ZBTB45: variants seen among roughly 807,000 people sequenced by gnomAD.
ZBTB45 encodes the protein zinc finger and BTB domain-containing protein 45.
Under a neutral mutation model 28.4 loss-of-function variants are expected in ZBTB45, and 22 were observed. That is an observed-to-expected ratio of 0.77 (90% CI 0.55 to 1.10). ZBTB45 has a LOEUF of 1.10. ZBTB45 is among the 50% of genes least tolerant of loss of function. The probability of loss-of-function intolerance (pLI) is 0.00; values close to 1 mark genes in which losing one functional copy is unlikely to be tolerated. For missense variants in ZBTB45, 656 were observed against 750.2 expected, an observed-to-expected ratio of 0.87 and a Z score of 1.47; for synonymous variants, 361 against 332.3, an observed-to-expected ratio of 1.09 and a Z score of -0.94.
intron 1 of ZBTB45, among the ~76,000 whole-genome samples, chr19:58,526,331 T>C (rs1568649757): frequency 3.9e-5 from 6 of 151,946 alleles, no homozygotes. Flanking sequence ...TGCTTCAGCC[T>C]CCTGAGTAGC....
At chr19:58,523,427 T>A (rs1372767569), upstream of ZBTB45, among the ~76,000 whole-genome samples, 4 of 151,492 alleles carry the variant, frequency 2.6e-5, no homozygotes, top group Admixed American at 2.0e-4. Flanking sequence ...ATGCCTGTAA[T>A]CCCAGCACTT....
At chr19:58,535,961 G>C (rs2053657699) in intron 1 of ZBTB45, among the ~76,000 whole-genome samples, 1 of 152,130 alleles carries the variant, frequency 6.6e-6, no homozygotes, top group South Asian at 2.1e-4. Flanking sequence ...TCTGAGTAGA[G>C]GCAATAGCAA....
upstream of ZBTB45, among the ~76,000 whole-genome samples, chr19:58,524,435 A>ATGTGTGTGTGTG (rs56704623): frequency 0.019 from 2,657 of 138,258 alleles, 44 homozygotes; most frequent in East Asian, 0.04. Context: ...GTGTTCATAT[A>ATGTGTGTGTGTG]TGTGTGTGTG....
In ZBTB45 at chr19:58,514,249, G is replaced by C; in HGVS notation, c.1341C>G (p.Leu447=). 1 of 1,612,226 alleles carries C rather than the reference G, an allele frequency of 6.2e-7. No homozygotes were observed. Among genetic ancestry groups the C allele is most frequent in the African/African-American group, 1.3e-5 (1 of 75,022 alleles). ...WRSFSLRDYL[L]KHMVTHTGVR... ...CGCCGGTGTGCGTGACCATGTGTTT[G>C]AGCAGGTAGTCGCGTAGAGAGAAGG... Residue 447 remains leucine (L), a synonymous_variant, in exon 3 of 3, where the codon CTC becomes CTG. Transcript: ENST00000594051.
rs748049672 is a variant in ZBTB45, at chr19:58,516,556, T to A, written c.1118A>T (p.Gln373Leu). ...TLQPEAAPSTQLGEVPAPSAA... is the reference protein window; with the variant it reads ...TLQPEAAPSTLLGEVPAPSAA... ...AGAGGGAGCCGGGACCTCCCCCAGC[T>A]GAGTACTGGGGGCTGCCTCGGGCTG... The change falls in exon 2 of 3, where the codon CAG becomes CTG. Residue 373 changes from glutamine to leucine, a missense_variant. Gln to Leu is a moderately radical substitution (Grantham distance 113). Coordinates refer to ENST00000594051, the MANE Select transcript of ZBTB45 (RefSeq NM_001316979.2). The surrounding 1 kb of genome is among the most constrained non-coding windows in gnomAD (Gnocchi z 6.2). 1.1e-4 allele frequency: 174 copies of A among 1,604,492 alleles called. No homozygotes were observed. The highest frequency in any genetic ancestry group is 1.4e-4 in the Non-Finnish European group (166 of 1,175,722).
At chr19:58,534,851 C>T (rs1402620243) in intron 1 of ZBTB45, among the ~76,000 whole-genome samples, 1 of 149,608 alleles carries the variant, frequency 6.7e-6, no homozygotes, top group South Asian at 2.1e-4. Context: ...CCACCGTGCC[C>T]GACCTAATTC....
chr19:58,519,704 G>C (rs948778320), intron 1 of ZBTB45, 38 bp downstream of exon 1: 4 of 152,578 alleles, frequency 2.6e-5, no homozygotes, highest in African/African-American at 9.6e-5. Context: ...CAGCCTCCTC[G>C]CCCGCCCTGC....
At chr19:58,514,411 T>A (rs1383441064) in intron 2 of ZBTB45, 101 bp from the exon 3 acceptor site, 1 of 1,317,592 alleles carries the variant, frequency 7.6e-7, no homozygotes, top group Non-Finnish European at 9.9e-7. Context: ...TAGCAGGGGC[T>A]CCCCTCCCCT....
intron 1 of ZBTB45, among the ~76,000 whole-genome samples, chr19:58,537,596 C>T (rs1467462923): frequency 1.3e-5 from 2 of 152,240 alleles, no homozygotes; most frequent in East Asian, 3.9e-4. Context: ...TCCCTATTGC[C>T]TCAGGGACCT....
At chr19:58,524,668 G>C (rs2053598060), upstream of ZBTB45, among the ~76,000 whole-genome samples, 1 of 151,862 alleles carries the variant, frequency 6.6e-6, no homozygotes, top group Non-Finnish European at 1.5e-5. Context: ...CGGATCACGA[G>C]GTCAGGAGAT....
At chr19:58,523,122 C>T (rs1016327018), upstream of ZBTB45, among the ~76,000 whole-genome samples, 3 of 152,058 alleles carry the variant, frequency 2.0e-5, no homozygotes, top group African/African-American at 7.2e-5. Flanking sequence ...GAAGACCCTG[C>T]CCAAGGGCTA....
At chr19:58,530,115 G>A (rs918375372) in intron 1 of ZBTB45, among the ~76,000 whole-genome samples, 1 of 151,978 alleles carries the variant, frequency 6.6e-6, no homozygotes, top group Non-Finnish European at 1.5e-5. Flanking sequence ...GAGGCAGGAG[G>A]ATCACTTGAG....
At chr19:58,528,039 G>A (rs1331847271) in intron 1 of ZBTB45, among the ~76,000 whole-genome samples, 1 of 152,114 alleles carries the variant, frequency 6.6e-6, no homozygotes, top group East Asian at 1.9e-4. Flanking sequence ...TCTCCCTGGG[G>A]CCTGAAAGCT....
upstream of ZBTB45, among the ~76,000 whole-genome samples, chr19:58,521,873 C>T (rs1666208811): frequency 6.6e-6 from 1 of 152,152 alleles, no homozygotes; most frequent in South Asian, 2.1e-4. Flanking sequence ...AGGGAACCAA[C>T]TGTCCAAACG....
At chr19:58,527,709 T>C (rs1224684010) in intron 1 of ZBTB45, among the ~76,000 whole-genome samples, 1 of 152,170 alleles carries the variant, frequency 6.6e-6, no homozygotes, top group Non-Finnish European at 1.5e-5. Context: ...GCTGGACCCA[T>C]GGTGGCCAAG....
intron 1 of ZBTB45, among the ~76,000 whole-genome samples, chr19:58,531,365 G>A (rs866954743): frequency 2.0e-5 from 3 of 152,104 alleles, no homozygotes; most frequent in Non-Finnish European, 4.4e-5. Flanking sequence ...GGGTGGGATC[G>A]TGTCATCAAC....
intron 1 of ZBTB45, among the ~76,000 whole-genome samples, chr19:58,525,265 G>A (rs1357422580): frequency 6.6e-6 from 1 of 152,186 alleles, no homozygotes; most frequent in Non-Finnish European, 1.5e-5. Flanking sequence ...GGTTTGGGTT[G>A]TGCCAGGTGT....
chr19:58,516,426 T>C lies in ZBTB45; in HGVS notation c.1248A>G (p.Lys416=), dbSNP rs1343446520. 9 of 1,613,952 alleles carry C rather than the reference T, an allele frequency of 5.6e-6. No individual in the cohort carries two copies. The highest frequency in any genetic ancestry group is 2.2e-5 in the East Asian group (1 of 44,882). ...SHCRKTFSSR[K]NYTKHMFIHS... ...GGATGAACATGTGCTTGGTGTAGTTTTTCCGGGAGCTGAACGTCTTGCGAC... is the reference window on the plus strand; with the variant it reads ...GGATGAACATGTGCTTGGTGTAGTTCTTCCGGGAGCTGAACGTCTTGCGAC... Residue 416 remains lysine (K), a synonymous_variant, in exon 2 of 3, where the codon AAA becomes AAG. Coordinates refer to ENST00000594051, the MANE Select transcript of ZBTB45 (RefSeq NM_001316979.2). This position sits in a 1 kb window ranked among gnomAD's most constrained non-coding sequence, Gnocchi z 6.2.
chr19:58,524,430 CATAT>C (rs1461726380), upstream of ZBTB45, among the ~76,000 whole-genome samples: 8 of 80,960 alleles, frequency 9.9e-5, no homozygotes, highest in South Asian at 4.5e-4. Context: ...TGTGTGTGTT[CATAT>C]ATGTGTGTGT....
Sources: gnomAD v4.1 joint callset for allele counts (sites outside exome capture counted in the v4.1 genomes callset) on GRCh38, gnomAD v4.1.1 for gene constraint, Gnocchi (gnomAD v3.1) non-coding constraint, MANE v1.5 for transcripts, NCBI Gene and HGNC (gene_info 2026-07-23, HGNC 2026-07-21) for gene names.